SERTAD4: variants seen among roughly 807,000 people sequenced by gnomAD.
SERTAD4 encodes the protein SERTA domain-containing protein 4.
In SERTAD4, 18 loss-of-function variants were observed where a neutral mutation model predicts 32.9. The ratio of observed to expected loss-of-function variants is 0.55; its 90% CI spans 0.38 to 0.81. SERTAD4 has a LOEUF of 0.81. SERTAD4 is among the 30% of genes least tolerant of loss of function. SERTAD4 has a pLI of 0.00. For synonymous variants in SERTAD4, 150 were observed against 156.4 expected (o/e 0.96, Z 0.30); for missense variants, 383 against 426.0 (o/e 0.90, Z 0.89).
rs371653993 is a variant in SERTAD4, at chr1:210,241,876, C to G, written c.610C>G (p.Leu204Val). 1.2e-6 allele frequency: 2 copies of G among 1,614,160 alleles called. No homozygotes were observed. Among genetic ancestry groups the G allele is most frequent in the Non-Finnish European group, 1.7e-6 (2 of 1,180,036 alleles). Residue 204 changes from leucine to valine, a missense_variant, in exon 4 of 4, where the codon CTT (leucine) becomes GTT (valine). By Grantham distance (32) the Leu-to-Val change is conservative. Transcript: ENST00000367012. ...ECGGHYLNLP[L>V]SVNANVGSAS... Reference sequence around the variant, plus strand: ...TGGTGGCCACTACCTAAATTTACCCCTTTCTGTCAATGCTAATGTTGGAAG... The same window carrying G: ...TGGTGGCCACTACCTAAATTTACCCGTTTCTGTCAATGCTAATGTTGGAAG...
rs139241213 is a variant in SERTAD4, at chr1:210,238,107, A to T, written c.147A>T (p.Gly49=). 6,524 of 1,610,918 alleles carry T rather than the reference A, an allele frequency of 4.0e-3. 21 individuals carry two copies. The highest frequency in any genetic ancestry group is 5.1e-3 in the Non-Finnish European group (5,984 of 1,179,034). Residue 49 remains glycine, a synonymous_variant, in exon 2 of 4, where the codon GGA becomes GGT. Coordinates refer to ENST00000367012, the MANE Select transcript of SERTAD4 (RefSeq NM_019605.5). The stretch of plus-strand genomic sequence containing the variant: ...GGCCAGCACAAGCTCCTTTGCAGGG[A>T]GACCGGGGAGCTGGTCCCCCACTGG... ...PPGPAQAPLQ[G]DRGAGPPLAG... is the part of the protein sequence containing the mutation.
Position 210,245,903 on chromosome 1 carries a change from G to T in SERTAD4, c.*3566G>T. The T allele has an allele frequency of 1.0e-6, 1 of 985,350 alleles. No homozygotes were observed. The highest frequency in any genetic ancestry group is 1.2e-6 in the Non-Finnish European group (1 of 829,874). The allele number at this position is 985,350 out of a possible 1,614,324, so 61.0% of individuals were successfully genotyped here. A position where few individuals can be genotyped will look rare whatever the true frequency, so the allele number is the denominator to read the frequency against. On this transcript the variant is annotated 3_prime_UTR_variant, in exon 4 of 4. Coordinates refer to ENST00000367012, the MANE Select transcript of SERTAD4 (RefSeq NM_019605.5). ...CAAGGATTCCTATGTGATGCAGCTA[G>T]GTTTTTATATCCTTCTAACAAATGG...
chr1:210,236,234 C>T (rs760430131), intron 1 of SERTAD4, among the ~76,000 whole-genome samples: 1 of 152,170 alleles, frequency 6.6e-6, no homozygotes, highest in Non-Finnish European at 1.5e-5. Flanking sequence ...AAGATTTAAT[C>T]GAACCTTTCT....
Position 210,244,364 on chromosome 1 carries a change from G to A in SERTAD4, c.*2027G>A, listed in dbSNP as rs1195143735. The A allele has an allele frequency of 1.3e-5, 2 of 152,186 alleles. No homozygotes were observed. The highest frequency in any genetic ancestry group is 2.9e-5 in the Non-Finnish European group (2 of 68,024). The allele number at this position is 152,186 out of a possible 1,614,324, so 9.4% of individuals were successfully genotyped here. ...AAGGTTATGTCTGAAAGAATGTAAA[G>A]ATTTTCCTTTCTGGAGTGTCTCTGA... On this transcript the variant is annotated 3_prime_UTR_variant, in exon 4 of 4. Transcript: ENST00000367012.
At chr1:210,233,457 C>T (rs1300451278) in intron 1 of SERTAD4, among the ~76,000 whole-genome samples, 1 of 152,168 alleles carries the variant, frequency 6.6e-6, no homozygotes, top group Non-Finnish European at 1.5e-5. Context: ...CCGGATGCCG[C>T]GGCGCTTGGC....
At chr1:210,239,317 G>T (rs1373456858) in intron 2 of SERTAD4, among the ~76,000 whole-genome samples, 176 bp from the exon 3 acceptor site, 1 of 152,070 alleles carries the variant, frequency 6.6e-6, no homozygotes, top group Non-Finnish European at 1.5e-5. Context: ...CCTAGCCTGG[G>T]TCACAGGATT....
chr1:210,237,907 T>G, intron 1 of SERTAD4, 37 bp from the exon 2 acceptor site: 15 of 1,547,240 alleles, frequency 9.7e-6, no homozygotes, highest in Non-Finnish European at 1.1e-5. Context: ...ATTAGGGCTG[T>G]TTTCTTCATT....
At position 210,242,020 on chromosome 1, in the gene SERTAD4, T is replaced by A. The variant is rs368292466; in HGVS notation, c.754T>A (p.Ser252Thr). 1.9e-6 allele frequency: 3 copies of A among 1,614,076 alleles called. No individual in the cohort carries two copies. In the African/African-American group the frequency reaches 4.0e-5, roughly 22 times the overall value. ...GGTGGATTTTGATGTAGGTAGTGCA[T>A]CTATTTACAAGAGTGATGGCCAGAT... Reference protein sequence around the residue: ...RQVDFDVGSASIYKSDGQIPA... With the variant: ...RQVDFDVGSATIYKSDGQIPA... Residue 252 changes from serine (S) to threonine (T), a missense_variant, in exon 4 of 4, where the codon TCT (serine) becomes ACT (threonine). Physicochemically the swap from Ser to Thr is moderately conservative, Grantham distance 58. Around this residue, in one of 3 missense-constraint regions of SERTAD4, gnomAD observed 180 missense variants for 190.6 expected, o/e 0.94. Coordinates refer to ENST00000367012, the MANE Select transcript of SERTAD4 (RefSeq NM_019605.5). The surrounding 1 kb of genome is among the most constrained non-coding windows in gnomAD (Gnocchi z 4.0).
At chr1:210,235,302 A>G (rs971134354) in intron 1 of SERTAD4, among the ~76,000 whole-genome samples, 2 of 152,216 alleles carry the variant, frequency 1.3e-5, no homozygotes, top group Non-Finnish European at 2.9e-5. Flanking sequence ...CACGTTAAGC[A>G]TTTGTGCTTA....
intron 1 of SERTAD4, chr1:210,233,670 C>A (rs900737665): frequency 4.3e-6 from 2 of 470,206 alleles, no homozygotes; most frequent in South Asian, 3.1e-5. Flanking sequence ...CCGCCTGGTC[C>A]ACGCCTCCGC....
In SERTAD4 at chr1:210,241,812, A is replaced by G; in HGVS notation, c.546A>G (p.Glu182=). 3 of 1,614,174 alleles carry G rather than the reference A, an allele frequency of 1.9e-6. No homozygotes were observed. Among genetic ancestry groups the G allele is most frequent in the Non-Finnish European group, 2.5e-6 (3 of 1,180,018 alleles). ...YRKRPRMAKE[E]CEKFHACCFY... ...AACGACCACGGATGGCCAAAGAGGA[A>G]TGTGAAAAGTTTCATGCCTGCTGCT... The change falls in exon 4 of 4, where the codon GAA becomes GAG. Residue 182 remains glutamate (E), a synonymous_variant. Coordinates refer to ENST00000367012, the MANE Select transcript of SERTAD4 (RefSeq NM_019605.5).
Position 210,242,270 on chromosome 1 carries a change from CCT to C in SERTAD4, c.1005_1006del (p.Leu336ThrfsTer10). On this transcript the variant is annotated frameshift_variant, in exon 4 of 4. Transcript: ENST00000367012. LOFTEE classifies it high-confidence loss of function. This position sits in a 1 kb window ranked among gnomAD's most constrained non-coding sequence, Gnocchi z 4.0. ...AATGTAAATGAATCTTGGAAAAAGTCCTTACGGAAAAAGGAGGCTTCACCACC... is the reference window on the plus strand; with the variant it reads ...AATGTAAATGAATCTTGGAAAAAGTCTACGGAAAAAGGAGGCTTCACCACC... The C allele has an allele frequency of 6.2e-7, 1 of 1,609,024 alleles. No individual in the cohort carries two copies. Among genetic ancestry groups the C allele is most frequent in the Non-Finnish European group, 8.5e-7 (1 of 1,178,698 alleles).
Position 210,241,729 on chromosome 1 carries a change from T to C in SERTAD4, c.463T>C (p.Ser155Pro). The change falls in exon 4 of 4, where the codon TCT (serine) becomes CCT (proline). Residue 155 changes from serine to proline, a missense_variant. Physicochemically the swap from Ser to Pro is moderately conservative, Grantham distance 74. Around this residue, in one of 3 missense-constraint regions of SERTAD4, gnomAD observed 107 missense variants for 158.8 expected, o/e 0.67. Transcript: ENST00000367012. ...GAATAACTGGTGCTTCCCTGCCTGC[T>C]CTTTCAATGGCACCTCTGCCCAAGA... is the stretch of plus-strand genomic sequence containing the variant. ...MQNNWCFPAC[S>P]FNGTSAQEWF... 6.2e-7 allele frequency: 1 copy of C among 1,614,142 alleles called. No homozygotes were observed. Among genetic ancestry groups the C allele is most frequent in the Non-Finnish European group, 8.5e-7 (1 of 1,180,022 alleles).
intron 1 of SERTAD4, among the ~76,000 whole-genome samples, chr1:210,234,425 G>A (rs965167276): frequency 2.6e-5 from 4 of 152,214 alleles, no homozygotes; most frequent in African/African-American, 4.8e-5. Context: ...CTGCAGCTGA[G>A]AAATGTACTT....
At chr1:210,238,845 A>G (rs904629175) in intron 2 of SERTAD4, among the ~76,000 whole-genome samples, 1 of 152,234 alleles carries the variant, frequency 6.6e-6, no homozygotes. Context: ...TTTAAAAGAA[A>G]CTAAAATATA....
At chr1:210,238,280 T>C (rs1389627736) in intron 2 of SERTAD4, 145 bp downstream of exon 2, 1 of 601,552 alleles carries the variant, frequency 1.7e-6, no homozygotes, top group Non-Finnish European at 3.0e-6. Flanking sequence ...TGTGCGCCTC[T>C]CATAAGTGAG....
Position 210,242,161 on chromosome 1 carries a change from C to T in SERTAD4, c.895C>T (p.His299Tyr). ...DTNRDGGPLS[H>Y]EPVGNDLAFE... ...CAACAGAGATGGTGGCCCCCTCAGCCACGAACCTGTGGGAAATGACCTTGC... is the reference window on the plus strand; with the variant it reads ...CAACAGAGATGGTGGCCCCCTCAGCTACGAACCTGTGGGAAATGACCTTGC... The change falls in exon 4 of 4, where the codon CAC becomes TAC. Residue 299 changes from histidine to tyrosine, a missense_variant. Physicochemically the swap from His to Tyr is moderately conservative, Grantham distance 83 (BLOSUM62 2). Transcript: ENST00000367012. The surrounding 1 kb of genome is among the most constrained non-coding windows in gnomAD (Gnocchi z 4.0). The T allele has an allele frequency of 6.2e-7, 1 of 1,614,182 alleles. No individual in the cohort carries two copies.
At chr1:210,236,496 T>C (rs1275718528) in intron 1 of SERTAD4, among the ~76,000 whole-genome samples, 1 of 152,238 alleles carries the variant, frequency 6.6e-6, no homozygotes, top group Non-Finnish European at 1.5e-5. Context: ...GCTGCTCTTT[T>C]AGCCAGAAGG....
At chr1:210,234,414 G>A (rs1019659878) in intron 1 of SERTAD4, among the ~76,000 whole-genome samples, 3 of 152,244 alleles carry the variant, frequency 2.0e-5, no homozygotes, top group South Asian at 2.1e-4. Context: ...GCCTCGCGGG[G>A]CTGCAGCTGA....
Sources: allele counts gnomAD v4.1 joint callset (sites outside exome capture counted in the v4.1 genomes callset), GRCh38; gene constraint gnomAD v4.1.1; regional missense constraint gnomAD v4.1.1; non-coding constraint Gnocchi (gnomAD v3.1); transcripts MANE v1.5; gene names NCBI Gene and HGNC (gene_info 2026-07-23, HGNC 2026-07-21).